The following SHISA6 variants were observed in gnomAD, a reference collection of about 807,000 sequenced individuals.
SHISA6 encodes shisa family member 6.
In SHISA6, 22 loss-of-function variants were observed where a neutral mutation model predicts 47.9. The observed-to-expected ratio is 0.46, with a 90% confidence interval of 0.33 to 0.66. The LOEUF is 0.66. SHISA6 is among the 30% of genes least tolerant of loss of function. The probability of loss-of-function intolerance (pLI) is 0.02; values close to 1 mark genes in which losing one functional copy is unlikely to be tolerated. For synonymous variants in SHISA6, 388 were observed against 337.8 expected (o/e 1.15, Z -1.63); for missense variants, 680 against 764.6 (o/e 0.89, Z 1.30).
At chr17:11,474,409 T>C (rs1245244018) in intron 3 of SHISA6, among the ~76,000 whole-genome samples, 3 of 75,454 alleles carry the variant, frequency 4.0e-5, no homozygotes, top group Admixed American at 1.4e-4. Flanking sequence ...TTGATGGTTT[T>C]TTTTTTTTTT....
intron 3 of SHISA6, among the ~76,000 whole-genome samples, chr17:11,395,812 C>T (rs1913552881): frequency 6.6e-6 from 1 of 152,104 alleles, no homozygotes; most frequent in African/African-American, 2.4e-5. Flanking sequence ...ACCACCGTGC[C>T]CGGCCAGTTT....
intron 3 of SHISA6, among the ~76,000 whole-genome samples, chr17:11,503,026 T>C (rs150301611): frequency 6.6e-6 from 1 of 152,248 alleles, no homozygotes; most frequent in African/African-American, 2.4e-5. Flanking sequence ...ACCATGTACT[T>C]TTTCTTTTAT....
chr17:11,331,558 C>T (rs530991017), intron 2 of SHISA6, among the ~76,000 whole-genome samples: 3 of 152,082 alleles, frequency 2.0e-5, no homozygotes, highest in Non-Finnish European at 4.4e-5. Flanking sequence ...AAACAATGCA[C>T]AGCTAAAATA....
At chr17:11,471,265 G>A (rs1915930731) in intron 3 of SHISA6, among the ~76,000 whole-genome samples, 1 of 150,778 alleles carries the variant, frequency 6.6e-6, no homozygotes, top group African/African-American at 2.5e-5. Context: ...CCCCAGAGAA[G>A]GCAGAGAAAG....
At chr17:11,272,223 G>A (rs1020507299) in intron 2 of SHISA6, among the ~76,000 whole-genome samples, 19 of 152,140 alleles carry the variant, frequency 1.2e-4, no homozygotes, top group African/African-American at 4.1e-4. Context: ...GTCCTTATGG[G>A]GACTCACTCT....
At chr17:11,299,467 A>G (rs1367598315) in intron 2 of SHISA6, among the ~76,000 whole-genome samples, 1 of 152,160 alleles carries the variant, frequency 6.6e-6, no homozygotes, top group African/African-American at 2.4e-5. Flanking sequence ...TAAACAACAC[A>G]AATTTATTCC....
chr17:11,253,564 A>G (rs1179643474), intron 1 of SHISA6, among the ~76,000 whole-genome samples: 1 of 152,202 alleles, frequency 6.6e-6, no homozygotes, highest in Non-Finnish European at 1.5e-5. Context: ...GGGAAGCAGT[A>G]AAAATGCATT....
chr17:11,534,233 T>C (rs1024371107), intron 3 of SHISA6, among the ~76,000 whole-genome samples: 2 of 151,274 alleles, frequency 1.3e-5, no homozygotes, highest in Non-Finnish European at 2.9e-5. Context: ...CTTGAACTTC[T>C]GACTTCAAGT....
chr17:11,242,153 A>G, intron 1 of SHISA6, 93 bp downstream of exon 1: 6 of 1,481,574 alleles, frequency 4.0e-6, no homozygotes, highest in Non-Finnish European at 5.5e-6. Flanking sequence ...GCATCATCAC[A>G]CCTCCCCAGG....
intron 3 of SHISA6, chr17:11,379,774 G>A (rs1291085192): frequency 2.8e-6 from 1 of 354,422 alleles, no homozygotes; most frequent in East Asian, 7.7e-5. Flanking sequence ...GCTCCTTGTG[G>A]GAAGGGACCA....
chr17:11,397,573 T>C (rs1384239269), intron 3 of SHISA6, among the ~76,000 whole-genome samples: 1 of 152,202 alleles, frequency 6.6e-6, no homozygotes, highest in African/African-American at 2.4e-5. Context: ...TTGTTTTACG[T>C]ACTTGACACC....
At chr17:11,380,431 A>G (rs1912971085) in intron 3 of SHISA6, 1 of 152,104 alleles carries the variant, frequency 6.6e-6, no homozygotes, top group Non-Finnish European at 1.5e-5. Context: ...TGTTGTGTCT[A>G]TTTGTGTCTA....
intron 2 of SHISA6, among the ~76,000 whole-genome samples, chr17:11,327,907 C>T (rs552061391): frequency 2.6e-5 from 4 of 151,120 alleles, no homozygotes; most frequent in South Asian, 2.1e-4. Context: ...GAAGCATTTT[C>T]TCTCTCTCTC....
At chr17:11,500,074 A>T (rs981580100) in intron 3 of SHISA6, among the ~76,000 whole-genome samples, 4 of 152,104 alleles carry the variant, frequency 2.6e-5, no homozygotes, top group African/African-American at 9.7e-5. Flanking sequence ...TTGGGCAGGG[A>T]CCCAGGCAGA....
chr17:11,245,784 A>T (rs1296181611), intron 1 of SHISA6, among the ~76,000 whole-genome samples: 1 of 151,884 alleles, frequency 6.6e-6, no homozygotes, highest in East Asian at 1.9e-4. Context: ...TGGGAAGAAA[A>T]ATCCAGGTGG....
chr17:11,404,379 C>T (rs929978923), intron 3 of SHISA6, among the ~76,000 whole-genome samples: 1 of 152,118 alleles, frequency 6.6e-6, no homozygotes, highest in African/African-American at 2.4e-5. Context: ...GGGAGACAGT[C>T]TAGGGACTTC....
At chr17:11,291,603 C>T (rs1480674277) in intron 2 of SHISA6, among the ~76,000 whole-genome samples, 2 of 152,174 alleles carry the variant, frequency 1.3e-5, no homozygotes, top group Admixed American at 6.5e-5. Flanking sequence ...CACTACACTC[C>T]GGCCTGGGCG....
At chr17:11,507,699 G>A (rs2071511071) in intron 3 of SHISA6, among the ~76,000 whole-genome samples, 1 of 152,166 alleles carries the variant, frequency 6.6e-6, no homozygotes, top group Non-Finnish European at 1.5e-5. Flanking sequence ...GTGCAAATCT[G>A]CCTGCTGTTC....
At chr17:11,509,660 G>A (rs1162820198) in intron 3 of SHISA6, among the ~76,000 whole-genome samples, 1 of 152,186 alleles carries the variant, frequency 6.6e-6, no homozygotes, top group Non-Finnish European at 1.5e-5. Context: ...CTATAAGACA[G>A]ACTAGAGCAA....
Sources: gnomAD v4.1 joint callset for allele counts (sites outside exome capture counted in the v4.1 genomes callset) on GRCh38, gnomAD v4.1.1 for gene constraint, MANE v1.5 for transcripts, NCBI Gene and HGNC (gene_info 2026-07-23, HGNC 2026-07-21) for gene names.